SYNE2: variants seen among roughly 807,000 people sequenced by gnomAD.
The protein encoded by SYNE2 is spectrin repeat containing nuclear envelope protein 2.
A neutral mutation model predicts 856.3 loss-of-function variants in SYNE2; 431 were observed. The ratio of observed to expected loss-of-function variants is 0.50; its 90% CI spans 0.47 to 0.55. SYNE2 has a LOEUF of 0.55. Ranked by LOEUF, SYNE2 falls within the 20% of genes least tolerant of loss-of-function variation. The probability of loss-of-function intolerance (pLI) is 0.00; values close to 1 mark genes in which losing one functional copy is unlikely to be tolerated. For synonymous variants in SYNE2, 2,923 were observed against 2,872.3 expected (o/e 1.02, Z -0.56); for missense variants, 8,129 against 8,023.2 (o/e 1.01, Z -0.50).
chr14:63,968,717 A>G (rs1797242880), intron 11 of SYNE2, among the ~76,000 whole-genome samples: 1 of 152,224 alleles, frequency 6.6e-6, no homozygotes, highest in Admixed American at 6.5e-5. Context: ...TTATGGGTAC[A>G]TAGTAGGTGT....
Position 64,006,207 on chromosome 14 carries a change from C to A in SYNE2, c.4398-836C>A, listed in dbSNP as rs961530557. On this transcript the variant is annotated intron_variant, in intron 30 of 115. Coordinates refer to ENST00000555002, the MANE Select transcript of SYNE2 (RefSeq NM_182914.3). Reference sequence around the variant, plus strand: ...TTAGATTTAGGTGAATGGTGTTAATCCTTCCAGTATTACTTTATCCTTAAA... The same window carrying A: ...TTAGATTTAGGTGAATGGTGTTAATACTTCCAGTATTACTTTATCCTTAAA... Among the ~76,000 whole-genome samples the A allele has an allele frequency of 2.3e-4, 35 of 152,284 alleles. 1 individual carries two copies. The highest frequency in any genetic ancestry group is 8.2e-4 in the African/African-American group (34 of 41,564).
intron 65 of SYNE2, among the ~76,000 whole-genome samples, chr14:64,111,781 G>A (rs1396456922): frequency 1.3e-5 from 2 of 151,982 alleles, no homozygotes; most frequent in Non-Finnish European, 2.9e-5. Context: ...CTGGGTGACA[G>A]AGGGAAACTC....
intron 1 of SYNE2, among the ~76,000 whole-genome samples, chr14:63,806,440 T>G (rs1426189571): frequency 1.3e-5 from 2 of 152,188 alleles, no homozygotes; most frequent in Admixed American, 1.3e-4. Context: ...TTTCTTTTTT[T>G]GCTGTGTCTC....
rs1359607260 is a variant in SYNE2 at position 64,037,547 on chromosome 14, G to A, written c.7221+6190G>A. 4.1e-5 allele frequency among the ~76,000 whole-genome samples: 6 copies of A among 144,864 alleles called. No individual in the cohort carries two copies. In the East Asian group the frequency reaches 1.0e-3, roughly 25 times the overall value. ...TGTCTACTTCTTTCTACACAGACAC[G>A]GCAACCATCCGATTTCTCAATCTTT... On this transcript the variant is annotated intron_variant, in intron 45 of 115. Coordinates refer to ENST00000555002, the MANE Select transcript of SYNE2 (RefSeq NM_182914.3).
chr14:64,106,363 A>T lies in SYNE2; in HGVS notation c.12493-1128A>T, dbSNP rs561278945. On this transcript the variant is annotated intron_variant, in intron 64 of 115. Transcript: ENST00000555002. Reference sequence around the variant, plus strand: ...TTATAGAGTAATTAATATATTAAGAATATTGGCCGGGCATGGTGGCTCACG... The same window carrying T: ...TTATAGAGTAATTAATATATTAAGATTATTGGCCGGGCATGGTGGCTCACG... 7.0e-4 allele frequency among the ~76,000 whole-genome samples: 106 copies of T among 152,214 alleles called. 1 individual carries two copies. Among genetic ancestry groups the T allele is most frequent in the Non-Finnish European group, 1.2e-3 (79 of 68,016 alleles).
chr14:64,087,206 A>G (rs779911346), intron 57 of SYNE2, among the ~76,000 whole-genome samples: 43 of 150,806 alleles, frequency 2.9e-4, no homozygotes, highest in African/African-American at 8.5e-4. Flanking sequence ...ACTTAGTTTT[A>G]GTGACTTGTG....
chr14:63,840,290 T>G (rs1394740572), intron 1 of SYNE2, among the ~76,000 whole-genome samples: 1 of 151,978 alleles, frequency 6.6e-6, no homozygotes, highest in Non-Finnish European at 1.5e-5. Flanking sequence ...AGTAGGCTTT[T>G]GTCTTTTTCA....
rs1027026441 is a variant in SYNE2 at position 64,122,771 on chromosome 14, A to G, written c.13422+344A>G. On this transcript the variant is annotated intron_variant, in intron 70 of 115. Coordinates refer to ENST00000555002, the MANE Select transcript of SYNE2 (RefSeq NM_182914.3). ...CCTAGGACATCACAGACTCTCAGTT[A>G]CTGTTTGTTGAATGAATAAAGGAAT... 4.6e-5 allele frequency among the ~76,000 whole-genome samples: 7 copies of G among 152,172 alleles called. No individual in the cohort carries two copies. In the East Asian group the frequency reaches 1.4e-3, roughly 29 times the overall value.
At chr14:64,009,902 C>A in intron 31 of SYNE2, 64 bp from the exon 32 acceptor site, 2 of 1,449,354 alleles carry the variant, frequency 1.4e-6, no homozygotes, top group Non-Finnish European at 1.9e-6. Context: ...GGGATACTTG[C>A]AAAGAGAAAG....
Position 64,146,906 on chromosome 14 carries a change from G to A in SYNE2, c.15639+683G>A, listed in dbSNP as rs575535690. Among the ~76,000 whole-genome samples, 8 of 152,320 alleles carry A rather than the reference G, an allele frequency of 5.3e-5. No individual in the cohort carries two copies. The East Asian group carries it at 5.8e-4, about 11-fold the overall frequency. ...ACTGTCAGGACTGGAAAGTCTGGCCGGACCCCATTTCTACTGAGGAGGTCA... is the reference window on the plus strand; with the variant it reads ...ACTGTCAGGACTGGAAAGTCTGGCCAGACCCCATTTCTACTGAGGAGGTCA... On this transcript the variant is annotated intron_variant, in intron 84 of 115. Coordinates refer to ENST00000555002, the MANE Select transcript of SYNE2 (RefSeq NM_182914.3).
rs1286921707 is a variant in SYNE2, at chr14:63,996,960, A to G, written c.2954A>G (p.Glu985Gly). The stretch of plus-strand genomic sequence containing the variant: ...TTCTTCAATTAGGCCTGCTTTTCTG[A>G]GGAAGGCTGCCTGTACCAGCTTAAT... ...LIKEHEACFS[E>G]EGCLYQLNHH... Residue 985 changes from glutamate (E) to glycine (G), a missense_variant, in exon 24 of 116, where the codon GAG becomes GGG. Glu to Gly is a moderately conservative substitution (Grantham distance 98). Transcript: ENST00000555002. 1 of 1,613,998 alleles carries G rather than the reference A, an allele frequency of 6.2e-7. No individual in the cohort carries two copies. Among genetic ancestry groups the G allele is most frequent in the Non-Finnish European group, 8.5e-7 (1 of 1,180,012 alleles).
chr14:64,147,364 A>G (rs931379060), intron 84 of SYNE2, among the ~76,000 whole-genome samples: 47 of 152,078 alleles, frequency 3.1e-4, no homozygotes, highest in Admixed American at 1.9e-3. Flanking sequence ...CTGAAATGCA[A>G]AGGGTCACAA....
rs546953142 is a variant in SYNE2, at chr14:64,186,440, T to C, written c.17573T>C (p.Leu5858Ser). ...KELIKELEQS[L>S]ASWTQNLKEL... ...TAAATGCAGGAACTAGAACAGTCTTTGGCTAGCTGGACTCAGAACTTGAAA... is the reference window on the plus strand; with the variant it reads ...TAAATGCAGGAACTAGAACAGTCTTCGGCTAGCTGGACTCAGAACTTGAAA... Residue 5858 changes from leucine (L) to serine (S), a missense_variant, in exon 97 of 116, where the codon TTG (leucine) becomes TCG (serine). Around this residue, in one of 3 missense-constraint regions of SYNE2, gnomAD observed 5,410 missense variants for 5,284.8 expected, o/e 1.02. Coordinates refer to ENST00000555002, the MANE Select transcript of SYNE2 (RefSeq NM_182914.3). 5.0e-6 allele frequency: 8 copies of C among 1,614,192 alleles called. No homozygotes were observed. Among genetic ancestry groups the C allele is most frequent in the African/African-American group, 4.0e-5 (3 of 75,056 alleles).
At chr14:64,014,992 CATATAT>C (rs1358240677) in intron 32 of SYNE2, among the ~76,000 whole-genome samples, 1 of 132,064 alleles carries the variant, frequency 7.6e-6, no homozygotes, top group African/African-American at 3.0e-5. Flanking sequence ...CACACACACA[CATATAT>C]AAATATATAT....
At position 64,167,216 on chromosome 14, in the gene SYNE2, C is replaced by T; in HGVS notation, c.16606-17C>T. On this transcript the variant is annotated splice_polypyrimidine_tract_variant and intron_variant, in intron 90 of 115. Coordinates refer to ENST00000555002, the MANE Select transcript of SYNE2 (RefSeq NM_182914.3). ...TATTGGCATCCAAAAACCTGTACTT[C>T]AATTTTTTAAAAATAGAATCATGTG... The T allele has an allele frequency of 6.2e-7, 1 of 1,613,940 alleles. No homozygotes were observed. Among genetic ancestry groups the T allele is most frequent in the Non-Finnish European group, 8.5e-7 (1 of 1,180,020 alleles).
At position 64,052,347 on chromosome 14, in the gene SYNE2, C is replaced by G; in HGVS notation, c.8434C>G (p.Arg2812Gly). The G allele has an allele frequency of 1.9e-6, 3 of 1,614,068 alleles. No individual in the cohort carries two copies. Among genetic ancestry groups the G allele is most frequent in the East Asian group, 2.2e-5 (1 of 44,878 alleles). ...SDLNNTLEDL[R>G]NQYQMLVLKS... The stretch of plus-strand genomic sequence containing the variant: ...TTTAAATAATACCCTAGAGGACTTA[C>G]GGAATCAATACCAAATGCTGGTTTT... The change falls in exon 48 of 116, where the codon CGG (arginine) becomes GGG (glycine). Residue 2812 changes from arginine to glycine, a missense_variant. Arg to Gly is a moderately radical substitution (Grantham distance 125). Transcript: ENST00000555002.
At chr14:64,115,418 G>A (rs1025483209) in intron 66 of SYNE2, among the ~76,000 whole-genome samples, 11 of 152,122 alleles carry the variant, frequency 7.2e-5, no homozygotes, top group African/African-American at 9.7e-5. Context: ...GAGGAGAAAC[G>A]GAGAGGGAAC....
At chr14:64,085,132 G>T in intron 57 of SYNE2, 1 of 631,548 alleles carries the variant, frequency 1.6e-6, no homozygotes, top group South Asian at 1.8e-5. Flanking sequence ...GAGTGCAGTG[G>T]CACAATGTCG....
At chr14:63,799,395 CT>C (rs79092707) in intron 1 of SYNE2, among the ~76,000 whole-genome samples, 65,638 of 128,334 alleles carry the variant, frequency 0.51, 15,724 homozygotes, top group South Asian at 0.67. Context: ...TGTTTTAAAA[CT>C]TTTTTTTTTT....
Sources: gnomAD v4.1 joint callset for allele counts (sites outside exome capture counted in the v4.1 genomes callset) on GRCh38, gnomAD v4.1.1 for gene constraint, gnomAD v4.1.1 regional missense constraint, MANE v1.5 for transcripts, NCBI Gene and HGNC (gene_info 2026-07-23, HGNC 2026-07-21) for gene names.